Variants in MTPAP observed in about 807,000 individuals in gnomAD.
MTPAP encodes mitochondrial poly(A) polymerase, also known as poly(A) RNA polymerase, mitochondrial.
Under a neutral mutation model 48.7 loss-of-function variants are expected in MTPAP, and 23 were observed. That is an observed-to-expected ratio of 0.47 (90% CI 0.34 to 0.67). MTPAP has a LOEUF of 0.67. Among genes scored for constraint, MTPAP ranks in the 30% least tolerant of loss-of-function variants. The pLI is 0.01. For missense variants in MTPAP, 614 were observed against 694.3 expected (o/e 0.88, Z 1.30); for synonymous variants, 257 against 254.1 (o/e 1.01, Z -0.11).
chr10:30,348,908 CCAAA>C (rs1834901232), intron 1 of MTPAP: 16 of 656,766 alleles, frequency 2.4e-5, no homozygotes, highest in Admixed American at 1.1e-4. Flanking sequence ...AGGAGTCGCC[CCAAA>C]CAAACATCAC....
At chr10:30,314,118 T>C (rs1225695116) in intron 8 of MTPAP, 147 bp from the exon 9 acceptor site, 3 of 961,146 alleles carry the variant, frequency 3.1e-6, no homozygotes, top group Non-Finnish European at 4.7e-6. Context: ...GGATTGAGTA[T>C]GTATGCATGG....
Position 30,349,110 on chromosome 10 carries a change from C to A in MTPAP, c.157+9G>T, listed in dbSNP as rs1834904388. The A allele has an allele frequency of 1.2e-6, 2 of 1,613,452 alleles. No individual in the cohort carries two copies. Among genetic ancestry groups the A allele is most frequent in the Admixed American group, 1.7e-5 (1 of 59,946 alleles). On this transcript the variant is annotated intron_variant, in intron 1 of 8. Transcript: ENST00000263063. ...GGGACGGAACTACAGGGCAAACCGG[C>A]GCCATCACCTGTCTCCACGCTCCCT... is the stretch of plus-strand genomic sequence containing the variant.
Position 30,349,142 on chromosome 10 carries a change from T to A in MTPAP, c.134A>T (p.Gln45Leu). The stretch of plus-strand genomic sequence containing the variant: ...ACCTGTCTCCACGCTCCCTGAAGGC[T>A]GCTCGTCTCTCCTAAGGTCTTTGGC... Reference protein sequence around the residue: ...TVAKDLRRDEQPSGSVETGFE... With the variant: ...TVAKDLRRDELPSGSVETGFE... Residue 45 changes from glutamine to leucine, a missense_variant, in exon 1 of 9, where the codon CAG becomes CTG. This residue lies in a region of MTPAP where 125 missense variants were observed against 111.5 expected (regional missense o/e 1.12). Transcript: ENST00000263063. 6.2e-7 allele frequency: 1 copy of A among 1,613,848 alleles called. No homozygotes were observed. The highest frequency in any genetic ancestry group is 8.5e-7 in the Non-Finnish European group (1 of 1,179,834).
chr10:30,341,376 T>C lies in MTPAP; in HGVS notation c.330+92A>G, dbSNP rs768487966. The C allele has an allele frequency of 9.3e-5, 139 of 1,496,156 alleles. 1 individual carries two copies. The Admixed American group carries it at 1.4e-3, about 15-fold the overall frequency. 92.7% of individuals were successfully genotyped at this position (1,496,156 alleles called of 1,614,324 possible). On this transcript the variant is annotated intron_variant, in intron 2 of 8. Transcript: ENST00000263063. ...TATATCAAAGAGAACCTACCTACCA[T>C]ATTGCAAAAAGCAACAGCAAAAAAC...
chr10:30,326,780 A>T (rs1362549605), intron 4 of MTPAP, 145 bp from the exon 5 acceptor site: 1 of 676,782 alleles, frequency 1.5e-6, no homozygotes, highest in East Asian at 2.7e-5. Flanking sequence ...AAACTCTTCA[A>T]GAAATCACAG....
rs1351161912 is a variant in MTPAP, at chr10:30,312,401, T to C, written c.*1208A>G. 6.6e-6 allele frequency: 1 copy of C among 151,582 alleles called. No homozygotes were observed. Among genetic ancestry groups the C allele is most frequent in the African/African-American group, 2.4e-5 (1 of 41,254 alleles). 9.4% of individuals were successfully genotyped at this position (151,582 alleles called of 1,614,324 possible). ...CGAGACCATGGTGAAACCCTGTCTC[T>C]ACTAAAAATACAAAAAAATTGTCCG... is the stretch of plus-strand genomic sequence containing the variant. On this transcript the variant is annotated 3_prime_UTR_variant, in exon 9 of 9. Coordinates refer to ENST00000263063, the MANE Select transcript of MTPAP (RefSeq NM_018109.4).
chr10:30,349,090 G>A (rs1834903988), intron 1 of MTPAP, 29 bp downstream of exon 1: 2 of 1,613,506 alleles, frequency 1.2e-6, no homozygotes, highest in South Asian at 2.2e-5. Context: ...GCTGTGGGAC[G>A]GAACTACAGG....
At chr10:30,318,916 G>A (rs1840691558) in intron 6 of MTPAP, among the ~76,000 whole-genome samples, 4 of 152,080 alleles carry the variant, frequency 2.6e-5, no homozygotes, top group Admixed American at 2.0e-4. Context: ...ATACAGGTGT[G>A]TACCAAGAGC....
chr10:30,335,671 G>A (rs1398423179), intron 4 of MTPAP, among the ~76,000 whole-genome samples: 1 of 152,062 alleles, frequency 6.6e-6, no homozygotes, highest in Non-Finnish European at 1.5e-5. Flanking sequence ...AGGGTAAGGA[G>A]GAAAGTGCAG....
At position 30,322,942 on chromosome 10, in the gene MTPAP, A is replaced by C. The variant is rs1049171594; in HGVS notation, c.993-325T>G. ...ACTTGAGGCCAGGAGTTCAAGGACA[A>C]CGAGGTGAAACCCCTTCTCTACTAA... On this transcript the variant is annotated intron_variant, in intron 5 of 8. Transcript: ENST00000263063. Among the ~76,000 whole-genome samples the C allele has an allele frequency of 6.8e-4, 103 of 151,546 alleles. 1 individual carries two copies. Among genetic ancestry groups the C allele is most frequent in the Non-Finnish European group, 1.5e-4 (10 of 67,864 alleles).
At chr10:30,339,399 A>G (rs554212919) in intron 3 of MTPAP, among the ~76,000 whole-genome samples, 1 of 150,204 alleles carries the variant, frequency 6.7e-6, no homozygotes, top group Non-Finnish European at 1.5e-5. Flanking sequence ...AGGCATGAGA[A>G]TTGCTTGAAT....
chr10:30,325,772 T>C (rs1396018846), intron 5 of MTPAP, among the ~76,000 whole-genome samples: 2 of 147,584 alleles, frequency 1.4e-5, no homozygotes, highest in African/African-American at 2.5e-5. Flanking sequence ...GATAAAAAAA[T>C]GAAATAAAGA....
chr10:30,332,758 G>A (rs1417307698), intron 4 of MTPAP, among the ~76,000 whole-genome samples: 1 of 152,168 alleles, frequency 6.6e-6, no homozygotes, highest in Non-Finnish European at 1.5e-5. Context: ...GCTGAGGCAG[G>A]AGGATCGTTA....
At chr10:30,348,376 C>T (rs1834895252) in intron 1 of MTPAP, among the ~76,000 whole-genome samples, 1 of 152,122 alleles carries the variant, frequency 6.6e-6, no homozygotes, top group Non-Finnish European at 1.5e-5. Context: ...AGCTAGTGAC[C>T]TTGCCTAAGT....
chr10:30,345,595 G>A (rs1423194906), intron 1 of MTPAP, among the ~76,000 whole-genome samples: 1 of 152,112 alleles, frequency 6.6e-6, no homozygotes, highest in Non-Finnish European at 1.5e-5. Context: ...TTGTGAAGGC[G>A]GGAACAGAAA....
At chr10:30,318,475 G>GT (rs1204754294) in intron 6 of MTPAP, among the ~76,000 whole-genome samples, 4 of 152,224 alleles carry the variant, frequency 2.6e-5, no homozygotes, top group African/African-American at 9.6e-5. Flanking sequence ...TTGTGATGCA[G>GT]TGTCAGTCAC....
rs1177205347 is a variant in MTPAP, at chr10:30,311,692, A to T, written c.*1917T>A. 6.6e-6 allele frequency: 1 copy of T among 152,306 alleles called. No individual in the cohort carries two copies. The highest frequency in any genetic ancestry group is 1.9e-4 in the East Asian group (1 of 5,194). 9.4% of individuals were successfully genotyped at this position (152,306 alleles called of 1,614,324 possible). On this transcript the variant is annotated 3_prime_UTR_variant, in exon 9 of 9. Transcript: ENST00000263063. ...CTACTTGCTTCTTTTCCTTTGAGAG[A>T]GTCTCACTGTCGCCCAGGATGGAGT...
chr10:30,341,332 C>G (rs1397855456), intron 2 of MTPAP, 136 bp downstream of exon 2: 1 of 1,121,344 alleles, frequency 8.9e-7, no homozygotes, highest in African/African-American at 1.6e-5. Context: ...TTAAAGAAAT[C>G]TAGATAAAGA....
chr10:30,344,956 G>A (rs556094607), intron 1 of MTPAP, among the ~76,000 whole-genome samples: 23 of 152,220 alleles, frequency 1.5e-4, no homozygotes, highest in Non-Finnish European at 3.2e-4. Context: ...CTCCTGCCTC[G>A]GCCTCCCAAA....
Sources: gnomAD v4.1 joint callset for allele counts (sites outside exome capture counted in the v4.1 genomes callset) on GRCh38, gnomAD v4.1.1 for gene constraint, gnomAD v4.1.1 regional missense constraint, MANE v1.5 for transcripts, NCBI Gene and HGNC (gene_info 2026-07-23, HGNC 2026-07-21) for gene names.